The following SLC28A1 variants were observed in gnomAD, a reference collection of about 807,000 sequenced individuals.
SLC28A1 encodes sodium/nucleoside cotransporter 1.
SLC28A1 carries 64 observed loss-of-function variants against 74.8 expected under a neutral mutation model. That is an observed-to-expected ratio of 0.86 (90% CI 0.70 to 1.05). SLC28A1 has a LOEUF of 1.05. SLC28A1 is among the 50% of genes least tolerant of loss of function. SLC28A1 has a pLI of 0.00. For missense variants in SLC28A1, 828 were observed against 822.8 expected, an observed-to-expected ratio of 1.01 and a Z score of -0.08; for synonymous variants, 359 against 335.0, an observed-to-expected ratio of 1.07 and a Z score of -0.78.
At chr15:84,957,299 C>T in the SLC28A1 span, among the ~76,000 whole-genome samples, 7 of 152,182 alleles carry the variant, frequency 4.6e-5, no homozygotes, top group Admixed American at 1.3e-4. Context: ...CAGAGTCTCA[C>T]TCTGTTGCCC....
intron 6 of SLC28A1, 139 bp from the exon 7 acceptor site, chr15:84,903,958 G>A (rs1470938450): frequency 5.4e-6 from 6 of 1,115,410 alleles, no homozygotes; most frequent in South Asian, 5.3e-5. Context: ...TCCAGAGCTG[G>A]TGCTCTTTCC....
intron 8 of SLC28A1, among the ~76,000 whole-genome samples, chr15:84,908,174 A>ATTTTTTTT (rs1596270479): frequency 1.5e-5 from 1 of 65,894 alleles, no homozygotes; most frequent in African/African-American, 6.0e-5. Flanking sequence ...CTCCCAGAGC[A>ATTTTTTTT]TTTCTTTTTT....
At chr15:84,887,496 C>A in intron 2 of SLC28A1, 5 of 977,208 alleles carry the variant, frequency 5.1e-6, no homozygotes, top group Non-Finnish European at 4.9e-6. Flanking sequence ...CCAGCCTGTG[C>A]AACACAGGGA....
the SLC28A1 span, among the ~76,000 whole-genome samples, chr15:84,968,341 C>T: frequency 6.6e-6 from 1 of 152,194 alleles, no homozygotes; most frequent in African/African-American, 2.4e-5. Flanking sequence ...GGCTCAGGGT[C>T]TCTCACGCTG....
At chr15:84,928,542 CTT>C (rs1207370706) in intron 12 of SLC28A1, among the ~76,000 whole-genome samples, 3 of 18,492 alleles carry the variant, frequency 1.6e-4, no homozygotes, top group Non-Finnish European at 2.6e-4. Context: ...TTCTTTCTTT[CTT>C]TCTTTCTTTC....
At position 84,893,572 on chromosome 15, in the gene SLC28A1, G is replaced by A. The variant is rs888544484; in HGVS notation, c.278-1368G>A. Among the ~76,000 whole-genome samples, 15 of 152,256 alleles carry A rather than the reference G, an allele frequency of 9.9e-5. No homozygotes were observed. The East Asian group carries it at 2.9e-3, about 29-fold the overall frequency. On this transcript the variant is annotated intron_variant, in intron 5 of 18. Coordinates refer to ENST00000394573, the MANE Select transcript of SLC28A1 (RefSeq NM_004213.5). ...TCATCCCTTCCTCTGGGGGTCACCGGGGGGGCTTATCTATCATTACTCCTC... is the reference window on the plus strand; with the variant it reads ...TCATCCCTTCCTCTGGGGGTCACCGAGGGGGCTTATCTATCATTACTCCTC...
intron 12 of SLC28A1, among the ~76,000 whole-genome samples, chr15:84,931,136 C>A (rs1307231099): frequency 6.6e-6 from 1 of 151,710 alleles, no homozygotes; most frequent in Non-Finnish European, 1.5e-5. Flanking sequence ...AAACTCCTGA[C>A]CTCAAGTGAT....
intron 10 of SLC28A1, among the ~76,000 whole-genome samples, chr15:84,919,223 C>A (rs1285230101): frequency 6.6e-6 from 1 of 152,170 alleles, no homozygotes; most frequent in Middle Eastern, 3.2e-3. Flanking sequence ...AATGTCAGAT[C>A]CTGTGCTTAT....
the SLC28A1 span, among the ~76,000 whole-genome samples, chr15:84,967,537 GAC>G: frequency 2.6e-5 from 4 of 152,184 alleles, no homozygotes; most frequent in African/African-American, 9.7e-5. Flanking sequence ...AATTCATTCA[GAC>G]ACAGACATAA....
chr15:84,895,979 T>G (rs562527772), intron 6 of SLC28A1: 113 of 959,502 alleles, frequency 1.2e-4, no homozygotes, highest in Non-Finnish European at 1.4e-4. Flanking sequence ...TAAAATTTTA[T>G]TTATAAATAC....
At chr15:84,912,001 G>T (rs544999441) in intron 9 of SLC28A1, among the ~76,000 whole-genome samples, 1 of 152,232 alleles carries the variant, frequency 6.6e-6, no homozygotes, top group African/African-American at 2.4e-5. Flanking sequence ...ATTTCCCAGC[G>T]AAACACCAGC....
At chr15:84,966,826 C>T in the SLC28A1 span, among the ~76,000 whole-genome samples, 5 of 152,214 alleles carry the variant, frequency 3.3e-5, no homozygotes, top group South Asian at 2.1e-4. Context: ...CCTCCCACAA[C>T]GTGTGGGAAT....
chr15:84,965,579 C>T, the SLC28A1 span, among the ~76,000 whole-genome samples: 2 of 152,006 alleles, frequency 1.3e-5, no homozygotes, highest in African/African-American at 4.8e-5. Flanking sequence ...GATGGGGGCA[C>T]ATAACTAAGT....
At chr15:84,935,978 G>A (rs1196306900) in intron 15 of SLC28A1, among the ~76,000 whole-genome samples, 3 of 121,406 alleles carry the variant, frequency 2.5e-5, no homozygotes, top group African/African-American at 9.7e-5. Context: ...TTTTTGAGAC[G>A]GAGTCTCACT....
chr15:84,906,311 C>T (rs562218575), intron 8 of SLC28A1, among the ~76,000 whole-genome samples: 2 of 151,992 alleles, frequency 1.3e-5, no homozygotes, highest in South Asian at 4.2e-4. Flanking sequence ...TAAGCCACCA[C>T]ACCTGGGCCC....
At chr15:84,946,941 C>T (rs1026209576), downstream of SLC28A1, among the ~76,000 whole-genome samples, 24 of 152,358 alleles carry the variant, frequency 1.6e-4, no homozygotes, top group Admixed American at 1.2e-3. Flanking sequence ...CCTACACCCT[C>T]ACCCCTACCT....
In SLC28A1 at chr15:84,896,679, T is replaced by C. The variant is rs183010305; in HGVS notation, c.461+1556T>C. Among the ~76,000 whole-genome samples, 696 of 152,162 alleles carry C rather than the reference T, an allele frequency of 4.6e-3. 12 individuals are homozygous for C. Among genetic ancestry groups the C allele is most frequent in the African/African-American group, 0.016 (666 of 41,518 alleles). ...ATACAAAAATTAGCCAGGCATGGTG[T>C]TGGGCGCCTGTAATCCCAGCTACTC... is the stretch of plus-strand genomic sequence containing the variant. On this transcript the variant is annotated intron_variant, in intron 6 of 18. Coordinates refer to ENST00000394573, the MANE Select transcript of SLC28A1 (RefSeq NM_004213.5).
chr15:84,965,904 G>A, the SLC28A1 span, among the ~76,000 whole-genome samples: 2 of 121,504 alleles, frequency 1.6e-5, no homozygotes, highest in Middle Eastern at 4.0e-3. Context: ...GAGGCGGGGA[G>A]GGGGGGGAAA....
At chr15:84,954,235 C>T in the SLC28A1 span, among the ~76,000 whole-genome samples, 1 of 152,128 alleles carries the variant, frequency 6.6e-6, no homozygotes, top group Non-Finnish European at 1.5e-5. Flanking sequence ...TTCTGCCCAC[C>T]CCTGAAGCAA....
Sources: allele counts gnomAD v4.1 joint callset (sites outside exome capture counted in the v4.1 genomes callset), GRCh38; gene constraint gnomAD v4.1.1; transcripts MANE v1.5; gene names NCBI Gene and HGNC (gene_info 2026-07-23, HGNC 2026-07-21).